The following WNK1 variants were observed in gnomAD, a reference collection of about 807,000 sequenced individuals.
WNK1 encodes WNK lysine deficient protein kinase 1.
A neutral mutation model predicts 222.8 loss-of-function variants in WNK1; 38 were observed. The ratio of observed to expected loss-of-function variants is 0.17; its 90% CI spans 0.13 to 0.22. The LOEUF is 0.22. Among genes scored for constraint, WNK1 ranks in the 10% least tolerant of loss-of-function variants. The pLI, the probability that WNK1 is intolerant of heterozygous loss-of-function variation, is 1.00. For missense variants in WNK1, 2,348 were observed against 2,918.4 expected (o/e 0.80, Z 4.50); for synonymous variants, 1,090 against 1,092.9 (o/e 1.00, Z 0.05).
chr12:879,459 T>TTTGTTTTTTTC, intron 10 of WNK1, 114 bp from the exon 11 acceptor site: 1 of 597,256 alleles, frequency 1.7e-6, no homozygotes, highest in Non-Finnish European at 2.6e-6. Context: ...TTTTTTTTTG[T>TTTGTTTTTTTC]TTGTTTTTTC....
intron 1 of WNK1, among the ~76,000 whole-genome samples, chr12:810,197 A>T (rs1459355010): frequency 6.6e-6 from 1 of 151,842 alleles, no homozygotes; most frequent in Non-Finnish European, 1.5e-5. Flanking sequence ...CAGTGAGCAG[A>T]GATTGTGTCA....
At chr12:771,626 G>A (rs1206426111) in intron 1 of WNK1, among the ~76,000 whole-genome samples, 1 of 151,954 alleles carries the variant, frequency 6.6e-6, no homozygotes, top group Non-Finnish European at 1.5e-5. Flanking sequence ...GTAGAGACAC[G>A]GTTTCACCAT....
At chr12:763,429 C>CA (rs761333741) in intron 1 of WNK1, among the ~76,000 whole-genome samples, 1,472 of 139,924 alleles carry the variant, frequency 0.011, 95 homozygotes, top group African/African-American at 0.014. Context: ...ACTAAAAATA[C>CA]AAAAAAAAAA....
At chr12:881,115 A>G in intron 12 of WNK1, 116 bp downstream of exon 12, 4 of 1,360,720 alleles carry the variant, frequency 2.9e-6, no homozygotes, top group South Asian at 2.5e-5. Context: ...GACCATGTCA[A>G]ACTAACTTCT....
At chr12:758,370 G>GTTTTT (rs1441325779) in intron 1 of WNK1, among the ~76,000 whole-genome samples, 5 of 69,062 alleles carry the variant, frequency 7.2e-5, no homozygotes, top group African/African-American at 9.7e-5. Context: ...CTTTGCTATA[G>GTTTTT]TTCTTTTTTT....
At chr12:756,652 G>A (rs1940080484) in intron 1 of WNK1, among the ~76,000 whole-genome samples, 1 of 152,176 alleles carries the variant, frequency 6.6e-6, no homozygotes. Context: ...TAGTTAGGCA[G>A]TATTTTTGGT....
intron 4 of WNK1, among the ~76,000 whole-genome samples, chr12:832,891 T>G (rs1948905257): frequency 6.6e-6 from 1 of 152,236 alleles, no homozygotes; most frequent in African/African-American, 2.4e-5. Context: ...TAATCATTAT[T>G]CTACATTTAT....
intron 8 of WNK1, chr12:867,895 G>A: frequency 6.2e-7 from 1 of 1,613,930 alleles, no homozygotes; most frequent in Non-Finnish European, 8.5e-7. Context: ...CGTGTGGGGG[G>A]ACCCCAACAT....
chr12:900,025 T>TC (rs1282552078), intron 25 of WNK1, among the ~76,000 whole-genome samples: 34 of 148,656 alleles, frequency 2.3e-4, no homozygotes, highest in African/African-American at 8.4e-4. Context: ...TCTTTTTTTT[T>TC]TTTTTTTTTT....
At chr12:817,322 C>T (rs1426500394) in intron 2 of WNK1, among the ~76,000 whole-genome samples, 6 of 151,182 alleles carry the variant, frequency 4.0e-5, no homozygotes, top group Non-Finnish European at 4.4e-5. Flanking sequence ...GGTGACAGAG[C>T]GAGACTCCAT....
At chr12:774,996 A>C (rs1043835422) in intron 1 of WNK1, among the ~76,000 whole-genome samples, 3 of 152,090 alleles carry the variant, frequency 2.0e-5, no homozygotes, top group African/African-American at 4.8e-5. Context: ...TTGGTTAGTC[A>C]TCTTAATTCT....
At chr12:839,099 A>G (rs887487743) in intron 4 of WNK1, among the ~76,000 whole-genome samples, 1 of 152,238 alleles carries the variant, frequency 6.6e-6, no homozygotes, top group African/African-American at 2.4e-5. Flanking sequence ...TAATGAAAGC[A>G]TGTAAGAGTG....
intron 22 of WNK1, among the ~76,000 whole-genome samples, chr12:891,945 T>C (rs1182169592): frequency 3.3e-5 from 5 of 150,604 alleles, no homozygotes; most frequent in African/African-American, 9.7e-5. Context: ...AAATCATGCA[T>C]GAACAAAAAA....
At chr12:818,548 G>A (rs1463312459) in intron 2 of WNK1, among the ~76,000 whole-genome samples, 1 of 152,194 alleles carries the variant, frequency 6.6e-6, no homozygotes, top group Non-Finnish European at 1.5e-5. Context: ...TAGTTCAGTA[G>A]TGTTAATACA....
Position 883,759 on chromosome 12 carries a change from TTTTG to T in WNK1, c.3664-8_3664-5del, listed in dbSNP as rs1953396426. 6.2e-7 allele frequency: 1 copy of T among 1,613,936 alleles called. No homozygotes were observed. The highest frequency in any genetic ancestry group is 8.5e-7 in the Non-Finnish European group (1 of 1,179,932). On this transcript the variant is annotated splice_polypyrimidine_tract_variant and intron_variant, in intron 16 of 27. Coordinates refer to ENST00000315939, the MANE Select transcript of WNK1 (RefSeq NM_018979.4). ...TGCATTTGAGAATGTATTTAATCAC[TTTTG>T]TTTGTTGTAGAAATTGGAAGGAGAG...
chr12:906,968 C>T (rs890276123), intron 26 of WNK1, among the ~76,000 whole-genome samples: 6 of 143,600 alleles, frequency 4.2e-5, no homozygotes, highest in East Asian at 2.0e-4. Context: ...TGCAGTGAGA[C>T]GTGATTGTGC....
Position 883,576 on chromosome 12 carries a change from C to T in WNK1, c.3663+8C>T, listed in dbSNP as rs1048572799. On this transcript the variant is annotated splice_region_variant and intron_variant, in intron 16 of 27. Transcript: ENST00000315939. The stretch of plus-strand genomic sequence containing the variant: ...GGCTTTTCAGGTTCTCAGGTAGGTT[C>T]ACCACTCCCATAGTGAAACTTTGTT... The T allele has an allele frequency of 3.7e-6, 6 of 1,614,072 alleles. No homozygotes were observed. The highest frequency in any genetic ancestry group is 5.1e-6 in the Non-Finnish European group (6 of 1,179,990).
At chr12:899,066 T>C (rs1954995697) in intron 25 of WNK1, among the ~76,000 whole-genome samples, 2 of 152,150 alleles carry the variant, frequency 1.3e-5, no homozygotes, top group Non-Finnish European at 2.9e-5. Context: ...TTGGGATAGA[T>C]AGAGAGTTTC....
intron 1 of WNK1, among the ~76,000 whole-genome samples, chr12:757,309 CTTTTTTTTTT>C (rs946901263): frequency 1.2e-5 from 1 of 83,604 alleles, no homozygotes; most frequent in Non-Finnish European, 2.2e-5. Context: ...AGCATCAATT[CTTTTTTTTTT>C]TTTTTTTTTT....
Sources: allele counts gnomAD v4.1 joint callset (sites outside exome capture counted in the v4.1 genomes callset), GRCh38; gene constraint gnomAD v4.1.1; transcripts MANE v1.5; gene names NCBI Gene and HGNC (gene_info 2026-07-23, HGNC 2026-07-21).